The following SPINK8 variants were observed in gnomAD, a reference collection of about 807,000 sequenced individuals.
The protein encoded by SPINK8 is serine peptidase inhibitor Kazal type 8 (putative).
Under a neutral mutation model 14.4 loss-of-function variants are expected in SPINK8, and 12 were observed. The ratio of observed to expected loss-of-function variants is 0.83; its 90% CI spans 0.53 to 1.35. The LOEUF is 1.35. Ranked by LOEUF, SPINK8 falls within the 40% of genes most tolerant of loss-of-function variation. The pLI, the probability that SPINK8 is intolerant of heterozygous loss-of-function variation, is 0.00. For synonymous variants in SPINK8, 32 were observed against 37.6 expected (o/e 0.85, Z 0.55); for missense variants, 103 against 117.0 (o/e 0.88, Z 0.55).
intron 4 of SPINK8, among the ~76,000 whole-genome samples, chr3:48,323,175 C>T (rs1309508252): frequency 6.6e-6 from 1 of 151,966 alleles, no homozygotes; most frequent in African/African-American, 2.4e-5. Context: ...GACAGAGTTT[C>T]GCTCTGTCAC....
chr3:48,329,468 A>G (rs1334849030), intron 2 of SPINK8, among the ~76,000 whole-genome samples, 194 bp from the exon 3 acceptor site: 1 of 152,240 alleles, frequency 6.6e-6, no homozygotes. Context: ...CATTTTAGAC[A>G]TATGTCATAG....
rs371086191 is a variant in SPINK8, at chr3:48,328,318, G to A, written c.24C>T (p.Ala8=). 2 of 1,611,608 alleles carry A rather than the reference G, an allele frequency of 1.2e-6. No individual in the cohort carries two copies. The highest frequency in any genetic ancestry group is 2.7e-5 in the African/African-American group (2 of 75,026). The change falls in exon 4 of 8, where the codon GCC becomes GCT. Residue 8 remains alanine, a synonymous_variant. Transcript: ENST00000434006. The part of the protein sequence containing the change: MKGICSD[A]ILVLATSMWM... The stretch of plus-strand genomic sequence containing the variant: ...ACATGGAGGTAGCTAGAACAAGGAT[G>A]GCGTCTGAGCAGATCCCCTTCATGG...
intron 4 of SPINK8, among the ~76,000 whole-genome samples, chr3:48,325,873 C>T (rs975945079): frequency 2.6e-5 from 4 of 151,930 alleles, no homozygotes; most frequent in Non-Finnish European, 5.9e-5. Flanking sequence ...GCTGGGATTA[C>T]AGGCATGAGC....
At chr3:48,330,223 C>T (rs1287564235) in intron 2 of SPINK8, among the ~76,000 whole-genome samples, 1 of 152,104 alleles carries the variant, frequency 6.6e-6, no homozygotes, top group Non-Finnish European at 1.5e-5. Context: ...AATTTTCCAT[C>T]AGAAATTTTA....
At chr3:48,307,181 G>C (rs1366918424) in intron 7 of SPINK8, among the ~76,000 whole-genome samples, 178 bp from the exon 8 acceptor site, 2 of 152,108 alleles carry the variant, frequency 1.3e-5, no homozygotes, top group Non-Finnish European at 2.9e-5. Context: ...AGTGAAAGTC[G>C]GTGGAAAAGA....
At chr3:48,319,871 C>T (rs1391113715) in intron 5 of SPINK8, among the ~76,000 whole-genome samples, 3 of 152,032 alleles carry the variant, frequency 2.0e-5, no homozygotes, top group Admixed American at 6.6e-5. Flanking sequence ...CGGCCGGGCG[C>T]GGTGGCTCAT....
In SPINK8 at chr3:48,315,670, G is replaced by A. The variant is rs557157295; in HGVS notation, c.239+3827C>T. ...CAGGAGGCAGAGGTTGCAGTGAGCC[G>A]AGATCATGCCACTGCACTCCAGCCT... On this transcript the variant is annotated intron_variant, in intron 6 of 7. Coordinates refer to ENST00000434006, the MANE Select transcript of SPINK8 (RefSeq NM_001080525.3). Among the ~76,000 whole-genome samples, 22 of 129,786 alleles carry A rather than the reference G, an allele frequency of 1.7e-4. No individual in the cohort carries two copies. In the South Asian group the frequency reaches 3.2e-3, roughly 19 times the overall value. 85.1% of individuals were successfully genotyped at this position (129,786 alleles called of 152,430 possible).
chr3:48,322,106 T>C (rs1472792459), intron 4 of SPINK8, among the ~76,000 whole-genome samples: 1 of 152,094 alleles, frequency 6.6e-6, no homozygotes, highest in Non-Finnish European at 1.5e-5. Context: ...TAAGCCACCA[T>C]GCCCAGCTGA....
intron 6 of SPINK8, 100 bp downstream of exon 6, chr3:48,319,397 C>T: frequency 7.3e-7 from 1 of 1,360,980 alleles, no homozygotes; most frequent in Non-Finnish European, 1.0e-6. Flanking sequence ...GAGAGAAGGT[C>T]TCATTGGATG....
chr3:48,320,173 C>T (rs906121327), intron 5 of SPINK8, among the ~76,000 whole-genome samples: 6 of 151,292 alleles, frequency 4.0e-5, no homozygotes, highest in South Asian at 4.2e-4. Flanking sequence ...TGTAACCTAA[C>T]AATCATATTT....
In SPINK8 at chr3:48,333,646, C is replaced by T. The variant is rs1205823660; in HGVS notation, c.-353G>A. Among the ~76,000 whole-genome samples the T allele has an allele frequency of 2.6e-5, 4 of 152,160 alleles. No homozygotes were observed. The highest frequency in any genetic ancestry group is 7.2e-5 in the African/African-American group (3 of 41,420). On this transcript the variant is annotated 5_prime_UTR_variant, in exon 1 of 8. The change creates a new upstream start codon in the 5' untranslated region. Transcript: ENST00000434006. Reference sequence around the variant, plus strand: ...CAGCGTGCCTGACATTGCCTTTGCACTCAGGAGTGAGTTCTAGAGCTGGGC... The same window carrying T: ...CAGCGTGCCTGACATTGCCTTTGCATTCAGGAGTGAGTTCTAGAGCTGGGC...
At position 48,306,857 on chromosome 3, in the gene SPINK8, C is replaced by A. The variant is rs1334087486; in HGVS notation, c.*135G>T. 2 of 820,442 alleles carry A rather than the reference C, an allele frequency of 2.4e-6. No homozygotes were observed. Among genetic ancestry groups the A allele is most frequent in the Non-Finnish European group, 3.8e-6 (2 of 521,318 alleles). 50.8% of individuals were successfully genotyped at this position (820,442 alleles called of 1,614,324 possible). Reference sequence around the variant, plus strand: ...GCCAGCCAGGTTTTCTGCTAAGAATCATTTATTGAAGACATAAATCAACGA... The same window carrying A: ...GCCAGCCAGGTTTTCTGCTAAGAATAATTTATTGAAGACATAAATCAACGA... On this transcript the variant is annotated 3_prime_UTR_variant, in exon 8 of 8. Coordinates refer to ENST00000434006, the MANE Select transcript of SPINK8 (RefSeq NM_001080525.3).
At chr3:48,327,284 C>T (rs2036159317) in intron 4 of SPINK8, among the ~76,000 whole-genome samples, 2 of 152,128 alleles carry the variant, frequency 1.3e-5, no homozygotes, top group Non-Finnish European at 2.9e-5. Flanking sequence ...CTGAGGAAGT[C>T]ACTGTTGTGG....
At chr3:48,322,068 G>A (rs562981460) in intron 4 of SPINK8, among the ~76,000 whole-genome samples, 2 of 152,156 alleles carry the variant, frequency 1.3e-5, no homozygotes, top group African/African-American at 2.4e-5. Flanking sequence ...CTCCCACTCA[G>A]CCTCCTAAAG....
At position 48,321,026 on chromosome 3, in the gene SPINK8, A is replaced by G; in HGVS notation, c.116T>C (p.Ile39Thr). The G allele has an allele frequency of 6.3e-7, 1 of 1,589,514 alleles. No homozygotes were observed. The highest frequency in any genetic ancestry group is 1.1e-5 in the South Asian group (1 of 87,034). Residue 39 changes from isoleucine to threonine, a missense_variant and splice_region_variant, in exon 5 of 8, where the codon ATA becomes ACA. Physicochemically the swap from Ile to Thr is moderately conservative, Grantham distance 89 (BLOSUM62 -1). Transcript: ENST00000434006. ...ASERGQLDKT[I>T]VECLKNVNKC... is the part of the protein sequence containing the mutation. ...AGGAACCAAGGAAGCAGTACTCACT[A>G]TTGTTTTGTCTAGCTGACCTCTTTC...
At chr3:48,328,206 A>G in intron 4 of SPINK8, 69 bp downstream of exon 4, 2 of 1,291,102 alleles carry the variant, frequency 1.5e-6, no homozygotes, top group Non-Finnish European at 2.2e-6. Context: ...TTCCACTTCC[A>G]TCTCTAATCT....
chr3:48,331,772 G>A (rs11706221), intron 2 of SPINK8, among the ~76,000 whole-genome samples: 32,783 of 152,200 alleles, frequency 0.22, 4,355 homozygotes, highest in South Asian at 0.3. Flanking sequence ...AGTATCTAGT[G>A]ACTGCCTGTC....
intron 5 of SPINK8, among the ~76,000 whole-genome samples, chr3:48,320,607 G>C (rs7653152): frequency 0.22 from 32,747 of 152,014 alleles, 4,343 homozygotes; most frequent in South Asian, 0.3. Context: ...GGCAGGGGCT[G>C]AAACTTGTCA....
chr3:48,319,537 C>T lies in SPINK8; in HGVS notation c.199G>A (p.Val67Ile), dbSNP rs190704117. 19 of 1,613,946 alleles carry T rather than the reference C, an allele frequency of 1.2e-5. No homozygotes were observed. The East Asian group carries it at 2.5e-4, about 21-fold the overall frequency. ...AGATGGCAGTCACTACTGTAGGTAA[C>T]CTGGTCACTGCCACAAATAGGTTCA... ...PSEPICGSDQ[V>I]TYSSDCHLCS... is the part of the protein sequence containing the mutation. Residue 67 changes from valine to isoleucine, a missense_variant, in exon 6 of 8, where the codon GTT becomes ATT. Val to Ile is a conservative substitution (Grantham distance 29, BLOSUM62 3). Transcript: ENST00000434006.
Sources: allele counts gnomAD v4.1 joint callset (sites outside exome capture counted in the v4.1 genomes callset), GRCh38; gene constraint gnomAD v4.1.1; transcripts MANE v1.5; gene names NCBI Gene and HGNC (gene_info 2026-07-23, HGNC 2026-07-21).